Variants in GRXCR1 observed in about 807,000 individuals in gnomAD.
GRXCR1 encodes glutaredoxin and cysteine rich domain containing 1, also known as glutaredoxin domain-containing cysteine-rich protein 1.
A neutral mutation model predicts 27.3 loss-of-function variants in GRXCR1; 27 were observed. The ratio of observed to expected loss-of-function variants is 0.99; its 90% CI spans 0.73 to 1.37. The LOEUF (loss-of-function observed/expected upper bound fraction) is 1.37, where lower values mean the gene tolerates loss of function less well. Among genes scored for constraint, GRXCR1 ranks in the 40% most tolerant of loss-of-function variants. The pLI, the probability that GRXCR1 is intolerant of heterozygous loss-of-function variation, is 0.00. For missense variants in GRXCR1, 379 were observed against 354.4 expected (o/e 1.07, Z -0.56); for synonymous variants, 122 against 131.1 (o/e 0.93, Z 0.47).
At chr4:42,996,450 G>A (rs1712165027) in intron 2 of GRXCR1, among the ~76,000 whole-genome samples, 2 of 152,134 alleles carry the variant, frequency 1.3e-5, no homozygotes, top group African/African-American at 2.4e-5. Context: ...TTGACCTAAA[G>A]TTACTTGGAG....
At chr4:42,954,360 C>A (rs1331213749) in intron 1 of GRXCR1, among the ~76,000 whole-genome samples, 2 of 152,056 alleles carry the variant, frequency 1.3e-5, no homozygotes, top group East Asian at 3.9e-4. Context: ...GTACATTTTA[C>A]CACTATTTTA....
intron 1 of GRXCR1, among the ~76,000 whole-genome samples, chr4:42,952,681 C>T (rs1233853032): frequency 6.6e-6 from 1 of 152,056 alleles, no homozygotes; most frequent in Non-Finnish European, 1.5e-5. Context: ...CAGAATGGCT[C>T]CCCTCAGCCA....
intron 2 of GRXCR1, among the ~76,000 whole-genome samples, chr4:42,986,744 T>C (rs968767711): frequency 2.0e-5 from 3 of 152,164 alleles, no homozygotes; most frequent in African/African-American, 7.2e-5. Context: ...TTTTATCTTA[T>C]TTGAGATTCT....
chr4:42,931,479 T>G (rs10517062), intron 1 of GRXCR1, among the ~76,000 whole-genome samples: 18,883 of 151,900 alleles, frequency 0.12, 1,236 homozygotes, highest in South Asian at 0.15. Flanking sequence ...AAATGTAACC[T>G]TGTGATAGTA....
At chr4:42,920,444 A>G (rs1016721075) in intron 1 of GRXCR1, among the ~76,000 whole-genome samples, 1 of 152,144 alleles carries the variant, frequency 6.6e-6, no homozygotes, top group African/African-American at 2.4e-5. Context: ...CCAAGTATGA[A>G]ATAACGATAT....
At chr4:42,915,132 T>C (rs1560647589) in intron 1 of GRXCR1, among the ~76,000 whole-genome samples, 2 of 152,120 alleles carry the variant, frequency 1.3e-5, no homozygotes, top group Non-Finnish European at 2.9e-5. Flanking sequence ...GTAGTCTCAG[T>C]CTAGTGTTGA....
chr4:42,949,039 A>G (rs1441535069), intron 1 of GRXCR1, among the ~76,000 whole-genome samples: 4 of 152,130 alleles, frequency 2.6e-5, no homozygotes, highest in African/African-American at 9.7e-5. Flanking sequence ...AAACCAATAC[A>G]CTATTTTTAA....
At chr4:42,952,046 A>C (rs1292653687) in intron 1 of GRXCR1, among the ~76,000 whole-genome samples, 1 of 152,204 alleles carries the variant, frequency 6.6e-6, no homozygotes, top group East Asian at 1.9e-4. Flanking sequence ...CTTTTTATGC[A>C]AAGATTATGC....
chr4:43,019,023 A>T (rs1289150681), intron 2 of GRXCR1, among the ~76,000 whole-genome samples: 7 of 152,184 alleles, frequency 4.6e-5, no homozygotes, highest in Non-Finnish European at 7.4e-5. Flanking sequence ...TTATGATGAC[A>T]TAGGTTATAC....
At chr4:42,935,169 C>A (rs1489751978) in intron 1 of GRXCR1, among the ~76,000 whole-genome samples, 3 of 151,898 alleles carry the variant, frequency 2.0e-5, no homozygotes, top group Non-Finnish European at 4.4e-5. Context: ...GACATATTTT[C>A]TACTTTCAAA....
chr4:42,971,549 G>A (rs990965898), intron 2 of GRXCR1, among the ~76,000 whole-genome samples: 3 of 151,896 alleles, frequency 2.0e-5, no homozygotes, highest in African/African-American at 7.3e-5. Flanking sequence ...CCATGGCAGA[G>A]CAGGAGAGAG....
chr4:43,001,186 AT>A (rs2109796569), intron 2 of GRXCR1, among the ~76,000 whole-genome samples: 1 of 151,084 alleles, frequency 6.6e-6, no homozygotes, highest in African/African-American at 2.4e-5. Context: ...AACACTGTCC[AT>A]TTTTCCCCCC....
chr4:42,992,300 C>T (rs1426279967), intron 2 of GRXCR1, among the ~76,000 whole-genome samples: 1 of 152,086 alleles, frequency 6.6e-6, no homozygotes, highest in Non-Finnish European at 1.5e-5. Flanking sequence ...GTATGGTTGA[C>T]AATTCGTAGG....
intron 1 of GRXCR1, among the ~76,000 whole-genome samples, chr4:42,894,127 C>T (rs6816077): frequency 0.89 from 135,879 of 152,138 alleles, 61,179 homozygotes; most frequent in South Asian, 0.97. Flanking sequence ...AGACTAACTT[C>T]GACTTCCTCC....
chr4:42,966,091 C>G (rs889536015), intron 2 of GRXCR1, among the ~76,000 whole-genome samples: 1 of 152,074 alleles, frequency 6.6e-6, no homozygotes, highest in Non-Finnish European at 1.5e-5. Context: ...CCCTTGGATA[C>G]TCCACAGTGG....
At chr4:43,024,954 T>C (rs1292159398) in intron 3 of GRXCR1, among the ~76,000 whole-genome samples, 1 of 152,182 alleles carries the variant, frequency 6.6e-6, no homozygotes, top group African/African-American at 2.4e-5. Flanking sequence ...TCCTCTTTGA[T>C]AGGATACTTA....
chr4:42,987,222 T>TTATATTATATATA (rs1553943895), intron 2 of GRXCR1, among the ~76,000 whole-genome samples: 1 of 100,594 alleles, frequency 9.9e-6, no homozygotes, highest in Admixed American at 1.3e-4. Context: ...TATATATATA[T>TTATATTATATATA]TATATATTAT....
At chr4:43,008,506 A>G (rs956390298) in intron 2 of GRXCR1, among the ~76,000 whole-genome samples, 6 of 152,234 alleles carry the variant, frequency 3.9e-5, no homozygotes, top group Non-Finnish European at 4.4e-5. Flanking sequence ...TGTGTTCTTA[A>G]CATATCTTCC....
chr4:43,016,427 A>G (rs553666361), intron 2 of GRXCR1, among the ~76,000 whole-genome samples: 21 of 152,258 alleles, frequency 1.4e-4, no homozygotes, highest in Admixed American at 1.0e-3. Context: ...TTTTGTGGAG[A>G]CAGCCTTCTC....
Sources: gnomAD v4.1 joint callset for allele counts (sites outside exome capture counted in the v4.1 genomes callset) on GRCh38, gnomAD v4.1.1 for gene constraint, MANE v1.5 for transcripts, NCBI Gene and HGNC (gene_info 2026-07-23, HGNC 2026-07-21) for gene names.